EMB: variants seen among roughly 807,000 people sequenced by gnomAD.
EMB encodes the protein embigin.
EMB carries 31 observed loss-of-function variants against 41.4 expected under a neutral mutation model. The observed-to-expected ratio is 0.75, with a 90% CI of 0.56 to 1.01. The LOEUF (loss-of-function observed/expected upper bound fraction) is 1.01, where lower values mean the gene tolerates loss of function less well. Ranked by LOEUF, EMB falls within the 50% of genes least tolerant of loss-of-function variation. EMB has a pLI of 0.00. For missense variants in EMB, 379 were observed against 388.3 expected, an observed-to-expected ratio of 0.98 and a Z score of 0.20; for synonymous variants, 137 against 140.4, an observed-to-expected ratio of 0.98 and a Z score of 0.17.
chr5:50,437,539 T>C (rs1745824902), intron 1 of EMB, among the ~76,000 whole-genome samples: 1 of 152,214 alleles, frequency 6.6e-6, no homozygotes, highest in Non-Finnish European at 1.5e-5. Context: ...CCCATATTAT[T>C]AAATGAGTTG....
intron 2 of EMB, among the ~76,000 whole-genome samples, chr5:50,416,185 G>C (rs553333551): frequency 2.0e-5 from 3 of 152,292 alleles, no homozygotes; most frequent in Admixed American, 1.3e-4. Context: ...CTCAGTCAAC[G>C]ATGTTTCAAC....
In EMB at chr5:50,398,796, T is replaced by C. The variant is rs1347390614; in HGVS notation, c.*477A>G. The C allele has an allele frequency of 1.3e-5, 2 of 152,498 alleles. No homozygotes were observed. Among genetic ancestry groups the C allele is most frequent in the African/African-American group, 2.4e-5 (1 of 41,440 alleles). 9.4% of individuals were successfully genotyped at this position (152,498 alleles called of 1,614,324 possible). The stretch of plus-strand genomic sequence containing the variant: ...TTTCAACTTAGTAAAGACATATTTT[T>C]TCACTATCACAGAAAGATGACCTTT... On this transcript the variant is annotated 3_prime_UTR_variant, in exon 9 of 9. Coordinates refer to ENST00000303221, the MANE Select transcript of EMB (RefSeq NM_198449.3).
At chr5:50,412,309 T>A (rs1434628707) in intron 2 of EMB, among the ~76,000 whole-genome samples, 1 of 151,584 alleles carries the variant, frequency 6.6e-6, no homozygotes, top group African/African-American at 2.4e-5. Context: ...TATGCCTGGA[T>A]AGCATACAAA....
At chr5:50,427,134 C>A (rs1745624562) in intron 2 of EMB, among the ~76,000 whole-genome samples, 2 of 152,138 alleles carry the variant, frequency 1.3e-5, no homozygotes, top group Non-Finnish European at 2.9e-5. Context: ...CAATATATAA[C>A]ATTTCTCTCT....
chr5:50,408,150 G>T lies in EMB; in HGVS notation c.473-2298C>A, dbSNP rs115948135. Among the ~76,000 whole-genome samples the T allele has an allele frequency of 3.1e-3, 470 of 151,944 alleles. 3 individuals are homozygous for T. Among genetic ancestry groups the T allele is most frequent in the African/African-American group, 0.01 (416 of 41,464 alleles). On this transcript the variant is annotated intron_variant, in intron 4 of 8. Transcript: ENST00000303221. ...AAGACAGATAGTTGAGCTTTGACAG[G>T]CTTCACTACATTTGGTACTATCAAA...
intron 5 of EMB, among the ~76,000 whole-genome samples, chr5:50,404,364 T>A (rs1483738582): frequency 6.6e-6 from 1 of 151,880 alleles, no homozygotes; most frequent in Admixed American, 6.6e-5. Flanking sequence ...AGCTAATCAA[T>A]CAAAGTACCA....
intron 2 of EMB, among the ~76,000 whole-genome samples, chr5:50,419,630 G>A (rs1262158485): frequency 2.0e-5 from 3 of 151,956 alleles, no homozygotes; most frequent in Non-Finnish European, 2.9e-5. Context: ...TGGAGAGGGT[G>A]TGGAAAGCAT....
chr5:50,437,490 A>G (rs958955156), intron 1 of EMB, among the ~76,000 whole-genome samples: 2 of 151,928 alleles, frequency 1.3e-5, no homozygotes, highest in African/African-American at 4.8e-5. Context: ...CTTTTCATTG[A>G]CTCCTTTTTA....
intron 2 of EMB, among the ~76,000 whole-genome samples, chr5:50,422,645 G>A (rs1745543387): frequency 6.6e-6 from 1 of 152,034 alleles, no homozygotes; most frequent in Non-Finnish European, 1.5e-5. Context: ...AGTGAAAGGT[G>A]GAAAAGTATG....
chr5:50,400,316 T>C (rs1745140311), intron 7 of EMB, among the ~76,000 whole-genome samples: 1 of 151,996 alleles, frequency 6.6e-6, no homozygotes, highest in African/African-American at 2.4e-5. Context: ...AAAATGGTTC[T>C]TTTTCCACCC....
chr5:50,428,381 G>A, intron 1 of EMB, 154 bp from the exon 2 acceptor site: 1 of 1,224,914 alleles, frequency 8.2e-7, no homozygotes, highest in East Asian at 2.9e-5. Flanking sequence ...AAGACATTTA[G>A]AGATATATTA....
chr5:50,419,384 C>G (rs1745479065), intron 2 of EMB, among the ~76,000 whole-genome samples: 2 of 152,250 alleles, frequency 1.3e-5, no homozygotes, highest in East Asian at 3.9e-4. Context: ...AAGAAAGGAA[C>G]AGCAAATGAC....
At chr5:50,418,153 T>G (rs1374051892) in intron 2 of EMB, among the ~76,000 whole-genome samples, 1 of 152,244 alleles carries the variant, frequency 6.6e-6, no homozygotes, top group Non-Finnish European at 1.5e-5. Context: ...AATATATTTT[T>G]CTACAACATA....
chr5:50,440,772 T>C (rs1745893501), intron 1 of EMB, among the ~76,000 whole-genome samples: 1 of 152,014 alleles, frequency 6.6e-6, no homozygotes, highest in Non-Finnish European at 1.5e-5. Flanking sequence ...CCCTGTTACC[T>C]ACGCGCCCGA....
chr5:50,410,314 A>C (rs1349660496), intron 4 of EMB, among the ~76,000 whole-genome samples: 3 of 152,092 alleles, frequency 2.0e-5, no homozygotes, highest in African/African-American at 7.2e-5. Flanking sequence ...TGGTTTAATG[A>C]TGGTAACAGT....
At chr5:50,421,372 C>A (rs532006037) in intron 2 of EMB, among the ~76,000 whole-genome samples, 18 of 152,060 alleles carry the variant, frequency 1.2e-4, no homozygotes, top group East Asian at 1.9e-4. Context: ...TTAGAATGGC[C>A]ATCATTAAAA....
chr5:50,429,533 A>C (rs1745679262), intron 1 of EMB, among the ~76,000 whole-genome samples: 1 of 152,208 alleles, frequency 6.6e-6, no homozygotes, highest in African/African-American at 2.4e-5. Flanking sequence ...TACCTAGCAG[A>C]ACCTAACTCT....
rs1745907686 is a variant in EMB, at chr5:50,441,270, G to A, written c.-119C>T. 3.8e-6 allele frequency: 2 copies of A among 521,974 alleles called. No individual in the cohort carries two copies. The highest frequency in any genetic ancestry group is 6.0e-6 in the Non-Finnish European group (2 of 335,994). The allele number at this position is 521,974 out of a possible 1,614,324, so 32.3% of individuals were successfully genotyped here. The stretch of plus-strand genomic sequence containing the variant: ...CCGGCGCTCGCAGCCAGTGCCGCGG[G>A]TAGGACGCTGAAGAAAAGGCGGAAT... On this transcript the variant is annotated 5_prime_UTR_variant, in exon 1 of 9. Coordinates refer to ENST00000303221, the MANE Select transcript of EMB (RefSeq NM_198449.3).
chr5:50,399,170 C>G lies in EMB; in HGVS notation c.*103G>C. 1 of 1,525,392 alleles carries G rather than the reference C, an allele frequency of 6.6e-7. No individual in the cohort carries two copies. The highest frequency in any genetic ancestry group is 1.3e-5 in the South Asian group (1 of 76,060). 94.5% of individuals were successfully genotyped at this position (1,525,392 alleles called of 1,614,324 possible). A position where few individuals can be genotyped will look rare whatever the true frequency, so the allele number is the denominator to read the frequency against. ...GAGCATGTTGCATAAGCTTTTCATC[C>G]TTTTAAAACTAAAAACTCAGAGGCT... On this transcript the variant is annotated 3_prime_UTR_variant, in exon 9 of 9. Transcript: ENST00000303221.
Sources: allele counts gnomAD v4.1 joint callset (sites outside exome capture counted in the v4.1 genomes callset), GRCh38; gene constraint gnomAD v4.1.1; transcripts MANE v1.5; gene names NCBI Gene and HGNC (gene_info 2026-07-23, HGNC 2026-07-21).